ADD1: variants seen among roughly 807,000 people sequenced by gnomAD.
ADD1 encodes the protein adducin 1.
In ADD1, 24 loss-of-function variants were observed where a neutral mutation model predicts 80.5. The ratio of observed to expected loss-of-function variants is 0.30; its 90% CI spans 0.22 to 0.42. The LOEUF is 0.42. ADD1 is among the 10% of genes least tolerant of loss of function. The pLI is 1.00. For missense variants in ADD1, 948 were observed against 1,019.0 expected (o/e 0.93, Z 0.95); for synonymous variants, 373 against 393.8 (o/e 0.95, Z 0.63).
chr4:2,898,618 G>C lies in ADD1; in HGVS notation c.984+87G>C, dbSNP rs755854158. On this transcript the variant is annotated intron_variant, in intron 8 of 15. Coordinates refer to ENST00000683351, the MANE Select transcript of ADD1 (RefSeq NM_001354761.2). ...ATTTTTTTTTGATACTTATCGAGTAGGAGAGGAGTCTTTGAGCAATCTCTT... is the reference window on the plus strand; with the variant it reads ...ATTTTTTTTTGATACTTATCGAGTACGAGAGGAGTCTTTGAGCAATCTCTT... 3.5e-6 allele frequency: 4 copies of C among 1,138,396 alleles called. No individual in the cohort carries two copies. In the Admixed American group the frequency reaches 6.9e-5, roughly 20 times the overall value. 70.5% of individuals were successfully genotyped at this position (1,138,396 alleles called of 1,614,324 possible). A position where few individuals can be genotyped will look rare whatever the true frequency, so the allele number is the denominator to read the frequency against.
At chr4:2,850,901 A>C (rs371911061) in intron 1 of ADD1, among the ~76,000 whole-genome samples, 3 of 152,190 alleles carry the variant, frequency 2.0e-5, no homozygotes, top group Admixed American at 6.5e-5. Flanking sequence ...GGCAGAAGGT[A>C]GATTTGGGGT....
chr4:2,909,484 TC>T lies in ADD1; in HGVS notation c.1791+59del, dbSNP rs927929239. The T allele has an allele frequency of 3.3e-5, 34 of 1,023,610 alleles. No homozygotes were observed. The African/African-American group carries it at 6.6e-4, about 20-fold the overall frequency. The allele number at this position is 1,023,610 out of a possible 1,614,324, so 63.4% of individuals were successfully genotyped here. ...GTCTATGCGCCTTGCTCCCCTCCCC[TC>T]CCCCCTCCCCGTCTCCTCTCTTCAG... On this transcript the variant is annotated intron_variant, in intron 13 of 15. Transcript: ENST00000683351.
intron 14 of ADD1, among the ~76,000 whole-genome samples, 185 bp downstream of exon 14, chr4:2,915,225 G>C (rs1738790659): frequency 6.6e-6 from 1 of 152,224 alleles, no homozygotes. Flanking sequence ...AGAAATTGCT[G>C]GCCGGGCACA....
At chr4:2,865,461 T>G (rs1200155335) in intron 1 of ADD1, among the ~76,000 whole-genome samples, 1 of 152,214 alleles carries the variant, frequency 6.6e-6, no homozygotes, top group African/African-American at 2.4e-5. Flanking sequence ...AATAAATACG[T>G]TTTTCTCAGT....
chr4:2,911,043 C>T (rs973770137), intron 13 of ADD1, among the ~76,000 whole-genome samples: 1 of 152,180 alleles, frequency 6.6e-6, no homozygotes, highest in Non-Finnish European at 1.5e-5. Flanking sequence ...AATTGTTCCA[C>T]TTCCTTTCAT....
chr4:2,884,411 A>G, intron 3 of ADD1, 104 bp from the exon 4 acceptor site: 1 of 922,120 alleles, frequency 1.1e-6, no homozygotes, highest in Non-Finnish European at 1.6e-6. Flanking sequence ...CTACAGCCTC[A>G]AACTCATGGC....
At chr4:2,888,392 A>G (rs1241831789) in intron 4 of ADD1, among the ~76,000 whole-genome samples, 2 of 139,610 alleles carry the variant, frequency 1.4e-5, no homozygotes, top group East Asian at 4.3e-4. Flanking sequence ...CATTATTTGT[A>G]ATAATGAAAT....
At chr4:2,855,233 C>T (rs564964820) in intron 1 of ADD1, among the ~76,000 whole-genome samples, 11 of 152,150 alleles carry the variant, frequency 7.2e-5, no homozygotes, top group South Asian at 2.1e-4. Flanking sequence ...ACTTGGGGAC[C>T]GTTACTCAGC....
Position 2,884,526 on chromosome 4 carries a change from G to C in ADD1, c.370G>C (p.Val124Leu). The C allele has an allele frequency of 6.2e-7, 1 of 1,603,630 alleles. No homozygotes were observed. Among genetic ancestry groups the C allele is most frequent in the Non-Finnish European group, 8.5e-7 (1 of 1,172,810 alleles). Residue 124 changes from valine to leucine, a missense_variant, in exon 4 of 16, where the codon GTG (valine) becomes CTG (leucine). Transcript: ENST00000683351. ...TTTCTTTATTTCAGGTCTTGGTATG[G>C]TGACTCCTGTGAACGATCTTAGAGG... ...MAALNMSLGM[V>L]TPVNDLRGSD...
intron 14 of ADD1, among the ~76,000 whole-genome samples, chr4:2,923,074 T>C (rs1740342516): frequency 6.6e-6 from 1 of 152,220 alleles, no homozygotes; most frequent in East Asian, 1.9e-4. Context: ...CTTGCTGGGC[T>C]CCATGGGGGT....
intron 1 of ADD1, among the ~76,000 whole-genome samples, chr4:2,846,033 C>G (rs546869942): frequency 1.3e-5 from 2 of 152,260 alleles, no homozygotes; most frequent in Admixed American, 6.5e-5. Context: ...TTAAATAGTT[C>G]AATATGTATA....
In ADD1 at chr4:2,894,027, C is replaced by T. The variant is rs552704202; in HGVS notation, c.525C>T (p.Ser175=). ...TTTCCCCACAGACCAGAGTGAACTC[C>T]GAGCAGGAACACTTCCTCATTGTCC... The part of the protein sequence containing the change: ...IYNHITTRVN[S]EQEHFLIVPF... The change falls in exon 5 of 16, where the codon TCC becomes TCT. Residue 175 remains serine (S), a synonymous_variant. Coordinates refer to ENST00000683351, the MANE Select transcript of ADD1 (RefSeq NM_001354761.2). 56 of 1,614,082 alleles carry T rather than the reference C, an allele frequency of 3.5e-5. 1 individual carries two copies. Among genetic ancestry groups the T allele is most frequent in the Middle Eastern group, 1.7e-4 (1 of 6,060 alleles).
intron 12 of ADD1, 41 bp downstream of exon 12, chr4:2,908,645 T>C (rs1348505866): frequency 6.6e-7 from 1 of 1,514,972 alleles, no homozygotes; most frequent in African/African-American, 1.4e-5. Flanking sequence ...GGGTGGTGGC[T>C]GTGTGACCGC....
rs201637172 is a variant in ADD1, at chr4:2,894,717, C to A, written c.727C>A (p.Pro243Thr). Residue 243 changes from proline (P) to threonine (T), a missense_variant, in exon 6 of 16, where the codon CCA becomes ACA. Physicochemically the swap from Pro to Thr is conservative, Grantham distance 38. Transcript: ENST00000683351. ...DVKCVVHIHTPAGAAVSAMKC... is the reference protein window; with the variant it reads ...DVKCVVHIHTTAGAAVSAMKC... ...GAAGTGCGTCGTGCACATTCACACC[C>A]CAGCAGGGGCTGCGGTGAGTGGCTG... is the stretch of plus-strand genomic sequence containing the variant. 5 of 1,600,762 alleles carry A rather than the reference C, an allele frequency of 3.1e-6. No homozygotes were observed. Among genetic ancestry groups the A allele is most frequent in the Admixed American group, 1.8e-5 (1 of 55,922 alleles).
intron 12 of ADD1, 186 bp downstream of exon 12, chr4:2,908,790 C>T: frequency 1.6e-6 from 1 of 607,610 alleles, no homozygotes; most frequent in Non-Finnish European, 2.9e-6. Flanking sequence ...AAGGAGCGAG[C>T]ATGCTGAGGG....
Position 2,929,096 on chromosome 4 carries a change from TG to T in ADD1, c.*576del, listed in dbSNP as rs571087466. 432 of 153,220 alleles carry T rather than the reference TG, an allele frequency of 2.8e-3. 1 individual carries two copies. Among genetic ancestry groups the T allele is most frequent in the Non-Finnish European group, 4.1e-3 (284 of 68,752 alleles). The allele number at this position is 153,220 out of a possible 1,614,324, so 9.5% of individuals were successfully genotyped here. On this transcript the variant is annotated 3_prime_UTR_variant, in exon 16 of 16. Transcript: ENST00000683351. Reference sequence around the variant, plus strand: ...CTGGGCAGGAAACCCCAGCGGCAGATGGGCCTGTGTGCACCCAACGTGATGC... The same window carrying T: ...CTGGGCAGGAAACCCCAGCGGCAGATGGCCTGTGTGCACCCAACGTGATGC...
chr4:2,906,786 C>A (rs1737136345), intron 10 of ADD1, among the ~76,000 whole-genome samples: 1 of 152,180 alleles, frequency 6.6e-6, no homozygotes, highest in Non-Finnish European at 1.5e-5. Flanking sequence ...AGTGAGTACC[C>A]AGAGCTCCAT....
rs186079996 is a variant in ADD1, at chr4:2,892,059, C to G, written c.511-1954C>G. Among the ~76,000 whole-genome samples, 530 of 152,216 alleles carry G rather than the reference C, an allele frequency of 3.5e-3. 1 individual carries two copies. Among genetic ancestry groups the G allele is most frequent in the Middle Eastern group, 6.8e-3 (2 of 294 alleles). Reference sequence around the variant, plus strand: ...CGCCCATGACACGGTGGGCTCTCAGCGAGTAGGTGGTCATTTCTTTCCTGA... The same window carrying G: ...CGCCCATGACACGGTGGGCTCTCAGGGAGTAGGTGGTCATTTCTTTCCTGA... On this transcript the variant is annotated intron_variant, in intron 4 of 15. Coordinates refer to ENST00000683351, the MANE Select transcript of ADD1 (RefSeq NM_001354761.2).
intron 14 of ADD1, among the ~76,000 whole-genome samples, chr4:2,919,347 A>G (rs1253535938): frequency 6.6e-6 from 1 of 152,216 alleles, no homozygotes; most frequent in Non-Finnish European, 1.5e-5. Flanking sequence ...CTGGCCTCAT[A>G]CAATGAGTTA....
Sources: allele counts gnomAD v4.1 joint callset (sites outside exome capture counted in the v4.1 genomes callset), GRCh38; gene constraint gnomAD v4.1.1; transcripts MANE v1.5; gene names NCBI Gene and HGNC (gene_info 2026-07-23, HGNC 2026-07-21).